The following PDC variants were observed in gnomAD, a reference collection of about 807,000 sequenced individuals.
PDC encodes the protein 33 kDa phototransducing protein.
In PDC, 19 loss-of-function variants were observed where a neutral mutation model predicts 22.2. The observed-to-expected ratio is 0.86, with a 90% CI of 0.60 to 1.26. The LOEUF is 1.26. Among genes scored for constraint, PDC ranks in the 50% most tolerant of loss-of-function variants. The probability of loss-of-function intolerance (pLI) is 0.00; values close to 1 mark genes in which losing one functional copy is unlikely to be tolerated. For synonymous variants in PDC, 97 were observed against 96.2 expected, an observed-to-expected ratio of 1.01 and a Z score of -0.05; for missense variants, 274 against 286.8, an observed-to-expected ratio of 0.96 and a Z score of 0.32.
chr1:186,448,571 C>T (rs758845654), intron 2 of PDC: 56 of 309,566 alleles, frequency 1.8e-4, no homozygotes, highest in Non-Finnish European at 2.5e-4. Flanking sequence ...CTCCTACTTT[C>T]CCTCCATCCC....
At chr1:186,459,071 A>G (rs924414291) in intron 1 of PDC, among the ~76,000 whole-genome samples, 1 of 152,318 alleles carries the variant, frequency 6.6e-6, no homozygotes, top group African/African-American at 2.4e-5. Flanking sequence ...CTGACGCAGG[A>G]GAATCGCTTG....
intron 1 of PDC, among the ~76,000 whole-genome samples, chr1:186,458,226 CTT>C (rs1157926478): frequency 9.0e-5 from 8 of 88,414 alleles, no homozygotes; most frequent in African/African-American, 3.2e-4. Flanking sequence ...TACAGATATT[CTT>C]TTTTTTTTTT....
Position 186,444,523 on chromosome 1 carries a change from G to T in PDC, c.214-17C>A, listed in dbSNP as rs986809948. The T allele has an allele frequency of 9.3e-6, 14 of 1,503,920 alleles. No homozygotes were observed. Among genetic ancestry groups the T allele is most frequent in the African/African-American group, 1.4e-5 (1 of 72,154 alleles). The allele number at this position is 1,503,920 out of a possible 1,614,324, so 93.2% of individuals were successfully genotyped here. A position where few individuals can be genotyped will look rare whatever the true frequency, so the allele number is the denominator to read the frequency against. ...AATGCTCATCTGAGAATAAAGAAAT[G>T]ATAGAAATTATTAAGTCAGAAGTTT... On this transcript the variant is annotated splice_polypyrimidine_tract_variant and intron_variant, in intron 3 of 3. Transcript: ENST00000391997.
chr1:186,448,983 A>G (rs905518128), intron 2 of PDC, among the ~76,000 whole-genome samples: 2 of 152,148 alleles, frequency 1.3e-5, no homozygotes, highest in Admixed American at 6.5e-5. Flanking sequence ...AAAAAAATAA[A>G]GGGAATATCT....
intron 1 of PDC, among the ~76,000 whole-genome samples, chr1:186,449,852 AAT>A (rs1662314537): frequency 6.6e-6 from 1 of 152,240 alleles, no homozygotes; most frequent in African/African-American, 2.4e-5. Flanking sequence ...TATATGACGT[AAT>A]ATATGTTACT....
chr1:186,447,892 A>G (rs1662269400), intron 2 of PDC, among the ~76,000 whole-genome samples: 1 of 152,112 alleles, frequency 6.6e-6, no homozygotes, highest in Admixed American at 6.5e-5. Context: ...TTTTCTACAG[A>G]TGGTGGTGTA....
intron 3 of PDC, 51 bp from the exon 4 acceptor site, chr1:186,444,557 A>G (rs764371279): frequency 8.2e-7 from 1 of 1,225,466 alleles, no homozygotes; most frequent in African/African-American, 1.5e-5. Flanking sequence ...TTTATTCCTT[A>G]GATATACCAA....
At position 186,443,964 on chromosome 1, in the gene PDC, T is replaced by A; in HGVS notation, c.*15A>T. 1 of 1,575,672 alleles carries A rather than the reference T, an allele frequency of 6.3e-7. No individual in the cohort carries two copies. The highest frequency in any genetic ancestry group is 8.7e-7 in the Non-Finnish European group (1 of 1,149,282). Reference sequence around the variant, plus strand: ...TACCTAAAGGATAAACATGAGATATTGACATAGTGAATCTTCATTCAACAT... The same window carrying A: ...TACCTAAAGGATAAACATGAGATATAGACATAGTGAATCTTCATTCAACAT... On this transcript the variant is annotated 3_prime_UTR_variant, in exon 4 of 4. Coordinates refer to ENST00000391997, the MANE Select transcript of PDC (RefSeq NM_002597.5).
Position 186,446,696 on chromosome 1 carries a change from A to G in PDC, c.62-119T>C, listed in dbSNP as rs1328251465. The G allele has an allele frequency of 5.5e-6, 3 of 547,370 alleles. No homozygotes were observed. In the African/African-American group the frequency reaches 5.7e-5, roughly 10 times the overall value. 33.9% of individuals were successfully genotyped at this position (547,370 alleles called of 1,614,324 possible). A position where few individuals can be genotyped will look rare whatever the true frequency, so the allele number is the denominator to read the frequency against. ...ACTTATTGTCTCCTGCATCAGAAACAAACATCTTGTTTGGACTAGAAATTT... is the reference window on the plus strand; with the variant it reads ...ACTTATTGTCTCCTGCATCAGAAACGAACATCTTGTTTGGACTAGAAATTT... On this transcript the variant is annotated intron_variant, in intron 2 of 3. Transcript: ENST00000391997.
chr1:186,448,457 A>G (rs1325730720), intron 2 of PDC, among the ~76,000 whole-genome samples: 5 of 152,136 alleles, frequency 3.3e-5, no homozygotes, highest in Admixed American at 3.3e-4. Flanking sequence ...TGACACTGTC[A>G]ACTGAGTTGC....
At chr1:186,454,648 A>G (rs945074314) in intron 1 of PDC, among the ~76,000 whole-genome samples, 1 of 152,232 alleles carries the variant, frequency 6.6e-6, no homozygotes, top group Non-Finnish European at 1.5e-5. Flanking sequence ...TGCATCAATT[A>G]TACATAAAAG....
chr1:186,456,475 C>T (rs950586671), intron 1 of PDC, among the ~76,000 whole-genome samples: 12 of 151,950 alleles, frequency 7.9e-5, no homozygotes, highest in Non-Finnish European at 1.8e-4. Context: ...ACTGGTCTCC[C>T]CAAGTACAAA....
intron 1 of PDC, among the ~76,000 whole-genome samples, chr1:186,456,879 C>T (rs768540712): frequency 6.6e-6 from 1 of 152,162 alleles, no homozygotes; most frequent in African/African-American, 2.4e-5. Flanking sequence ...GAAGGCACTA[C>T]CTGGCACATA....
At chr1:186,449,265 AT>A in intron 2 of PDC, 133 bp downstream of exon 2, 1 of 445,542 alleles carries the variant, frequency 2.2e-6, no homozygotes, top group Non-Finnish European at 3.9e-6. Flanking sequence ...CCGCTCAAAT[AT>A]TTTTTAGATT....
chr1:186,444,566 A>C, intron 3 of PDC, 60 bp from the exon 4 acceptor site: 14 of 1,143,014 alleles, frequency 1.2e-5, no homozygotes, highest in Non-Finnish European at 1.8e-5. Context: ...TAGATATACC[A>C]AGCCCATTCT....
At chr1:186,459,221 T>C (rs564914751) in intron 1 of PDC, among the ~76,000 whole-genome samples, 1 of 152,242 alleles carries the variant, frequency 6.6e-6, no homozygotes, top group South Asian at 2.1e-4. Flanking sequence ...TTCCTCCTTT[T>C]CAGGCCCTAG....
chr1:186,447,597 C>G (rs909163005), intron 2 of PDC, among the ~76,000 whole-genome samples: 1 of 152,008 alleles, frequency 6.6e-6, no homozygotes, highest in African/African-American at 2.4e-5. Context: ...CTATCCTTCA[C>G]TAAAGCTTAG....
At chr1:186,455,252 C>G (rs755762685) in intron 1 of PDC, among the ~76,000 whole-genome samples, 4 of 152,104 alleles carry the variant, frequency 2.6e-5, no homozygotes, top group Non-Finnish European at 4.4e-5. Flanking sequence ...GTTAGCTCCC[C>G]GGTGTCTTTT....
In PDC at chr1:186,444,161, G is replaced by C; in HGVS notation, c.559C>G (p.Pro187Ala). ...CCACCTTTATAGATGAGCAGTGTAG[G>C]AAGTACATCTAAGGAAAAGCGGTCC... ...AGDRFSLDVL[P>A]TLLIYKGGEL... The change falls in exon 4 of 4, where the codon CCT becomes GCT. Residue 187 changes from proline to alanine, a missense_variant. Pro to Ala is a conservative substitution (Grantham distance 27). Transcript: ENST00000391997. 3.1e-6 allele frequency: 5 copies of C among 1,613,592 alleles called. No homozygotes were observed. The highest frequency in any genetic ancestry group is 4.2e-6 in the Non-Finnish European group (5 of 1,179,578).
Sources: gnomAD v4.1 joint callset for allele counts (sites outside exome capture counted in the v4.1 genomes callset) on GRCh38, gnomAD v4.1.1 for gene constraint, MANE v1.5 for transcripts, NCBI Gene and HGNC (gene_info 2026-07-23, HGNC 2026-07-21) for gene names.